GMDS: variants seen among roughly 807,000 people sequenced by gnomAD.
GMDS encodes GDP-mannose 4,6 dehydratase.
Under a neutral mutation model 49.9 loss-of-function variants are expected in GMDS, and 20 were observed. That is an observed-to-expected ratio of 0.40 (90% confidence interval 0.28 to 0.58). GMDS has a LOEUF of 0.58. GMDS is among the 20% of genes least tolerant of loss of function. The pLI, the probability that GMDS is intolerant of heterozygous loss-of-function variation, is 0.42. For synonymous variants in GMDS, 177 were observed against 178.6 expected (o/e 0.99, Z 0.07); for missense variants, 362 against 481.4 (o/e 0.75, Z 2.32).
chr6:2,176,122 C>A (rs961153902), intron 1 of GMDS: 10 of 646,640 alleles, frequency 1.5e-5, no homozygotes, highest in Non-Finnish European at 2.6e-5. Flanking sequence ...CCTTCTACAA[C>A]CAGGGATGAC....
At chr6:1,624,305 GC>G in intron 10 of GMDS, 74 bp from the exon 11 acceptor site, 1 of 1,400,158 alleles carries the variant, frequency 7.1e-7, no homozygotes, top group Non-Finnish European at 1.0e-6. Context: ...CCGGGTGTCG[GC>G]CCCAGAGAGG....
intron 4 of GMDS, among the ~76,000 whole-genome samples, chr6:1,973,835 C>T (rs990696224): frequency 1.3e-5 from 2 of 152,106 alleles, no homozygotes; most frequent in Admixed American, 6.5e-5. Flanking sequence ...TACTGAAATG[C>T]TTCAATGACT....
intron 4 of GMDS, among the ~76,000 whole-genome samples, chr6:2,045,612 T>C (rs1723656609): frequency 6.6e-6 from 1 of 152,140 alleles, no homozygotes; most frequent in African/African-American, 2.4e-5. Flanking sequence ...GGGTTTTGTT[T>C]GTATGTTTGC....
intron 4 of GMDS, among the ~76,000 whole-genome samples, chr6:2,091,254 T>G (rs1332305697): frequency 6.6e-6 from 1 of 152,244 alleles, no homozygotes; most frequent in Admixed American, 6.5e-5. Flanking sequence ...GCTCATACAT[T>G]TAACAACTTC....
In GMDS at chr6:1,893,764, G is replaced by A. The variant is rs537704233; in HGVS notation, c.771+36339C>T. ...GTGTGAAGGGCCGTTTATTCAGAGG[G>A]GGTGGAGGTGAAAGGAGAGAAATTA... is the stretch of plus-strand genomic sequence containing the variant. On this transcript the variant is annotated intron_variant, in intron 7 of 10. Coordinates refer to ENST00000380815, the MANE Select transcript of GMDS (RefSeq NM_001500.4). Among the ~76,000 whole-genome samples, 53 of 152,304 alleles carry A rather than the reference G, an allele frequency of 3.5e-4. 1 individual carries two copies. The highest frequency in any genetic ancestry group is 1.3e-3 in the African/African-American group (52 of 41,550).
At position 1,939,448 on chromosome 6, in the gene GMDS, C is replaced by A. The variant is rs373051398; in HGVS notation, c.644-9218G>T. Reference sequence around the variant, plus strand: ...TTCTGCTCTTCCCCTTGACTGCTATCTACTGATTAAAGAGGCTGGGTGTTC... The same window carrying A: ...TTCTGCTCTTCCCCTTGACTGCTATATACTGATTAAAGAGGCTGGGTGTTC... On this transcript the variant is annotated intron_variant, in intron 6 of 10. Transcript: ENST00000380815. Among the ~76,000 whole-genome samples the A allele has an allele frequency of 4.0e-4, 61 of 151,970 alleles. 1 individual carries two copies. The South Asian group carries it at 0.012, about 29-fold the overall frequency.
At chr6:1,986,865 G>A (rs1765580148) in intron 4 of GMDS, among the ~76,000 whole-genome samples, 1 of 152,216 alleles carries the variant, frequency 6.6e-6, no homozygotes, top group South Asian at 2.1e-4. Flanking sequence ...CAGAATGAGA[G>A]TAAGGGGGCT....
At chr6:2,163,844 A>T (rs1777531560) in intron 1 of GMDS, among the ~76,000 whole-genome samples, 1 of 152,124 alleles carries the variant, frequency 6.6e-6, no homozygotes, top group Admixed American at 6.5e-5. Flanking sequence ...TACAGCTCCC[A>T]CTGTAAGGCC....
intron 1 of GMDS, among the ~76,000 whole-genome samples, chr6:2,138,283 T>C (rs1026827612): frequency 4.6e-5 from 7 of 152,244 alleles, no homozygotes; most frequent in African/African-American, 1.7e-4. Context: ...ATGTAGTCTA[T>C]AGGCAACTGT....
chr6:2,207,544 A>G (rs1306347767), intron 1 of GMDS, among the ~76,000 whole-genome samples: 1 of 151,990 alleles, frequency 6.6e-6, no homozygotes, highest in Non-Finnish European at 1.5e-5. Flanking sequence ...AGCTTATAAC[A>G]TTAGAGTTTA....
chr6:1,749,968 A>T (rs896412492), intron 7 of GMDS, among the ~76,000 whole-genome samples: 2 of 152,122 alleles, frequency 1.3e-5, no homozygotes, highest in African/African-American at 4.8e-5. Context: ...AGTAGATGGG[A>T]CTACAGGCAT....
chr6:2,200,401 A>G (rs1779460082), intron 1 of GMDS, among the ~76,000 whole-genome samples: 1 of 151,402 alleles, frequency 6.6e-6, no homozygotes, highest in Non-Finnish European at 1.5e-5. Context: ...GGATGAAGAC[A>G]GAACACCACA....
intron 9 of GMDS, among the ~76,000 whole-genome samples, chr6:1,678,405 G>C (rs1764689537): frequency 6.6e-6 from 1 of 152,046 alleles, no homozygotes; most frequent in South Asian, 2.1e-4. Flanking sequence ...TGTATCCATC[G>C]ATCTCTCAGA....
At chr6:2,048,700 C>T (rs1416488019) in intron 4 of GMDS, among the ~76,000 whole-genome samples, 2 of 152,104 alleles carry the variant, frequency 1.3e-5, no homozygotes. Context: ...CTATAATTTC[C>T]TCTCAATAAT....
intron 4 of GMDS, among the ~76,000 whole-genome samples, chr6:2,007,534 C>T (rs1206726181): frequency 6.6e-6 from 1 of 151,742 alleles, no homozygotes; most frequent in East Asian, 1.9e-4. Context: ...AATTAGTTTT[C>T]TCTTGTTACT....
chr6:2,074,139 G>A (rs181283856), intron 4 of GMDS, among the ~76,000 whole-genome samples: 1 of 152,324 alleles, frequency 6.6e-6, no homozygotes, highest in Non-Finnish European at 1.5e-5. Flanking sequence ...CACAACCAGT[G>A]TACAAGAGTT....
chr6:2,097,296 T>C (rs957952657), intron 4 of GMDS, among the ~76,000 whole-genome samples: 1 of 151,840 alleles, frequency 6.6e-6, no homozygotes, highest in Non-Finnish European at 1.5e-5. Context: ...TGAGAGAGAG[T>C]AGAACAGATG....
rs745725419 is a variant in GMDS, at chr6:1,688,361, C to T, written c.987+38055G>A. Among the ~76,000 whole-genome samples, 90 of 152,352 alleles carry T rather than the reference C, an allele frequency of 5.9e-4. No homozygotes were observed. The Middle Eastern group carries it at 0.014, about 23-fold the overall frequency. On this transcript the variant is annotated intron_variant, in intron 9 of 10. Transcript: ENST00000380815. ...GATGAACGACGGCTCGTGGAAACCC[C>T]GCACCTTGCTATGGTCACGCACGTG...
In GMDS at chr6:1,918,515, G is replaced by A. The variant is rs140972689; in HGVS notation, c.771+11588C>T. On this transcript the variant is annotated intron_variant, in intron 7 of 10. Transcript: ENST00000380815. ...TAATCCAGTCCTTTGGGGGGCCGAG[G>A]TGGACAGATCATTTGAGCTCTGGAG... Among the ~76,000 whole-genome samples the A allele has an allele frequency of 7.2e-4, 110 of 152,182 alleles. 1 individual carries two copies. In the East Asian group the frequency reaches 0.019, roughly 26 times the overall value.
Sources: gnomAD v4.1 joint callset for allele counts (sites outside exome capture counted in the v4.1 genomes callset) on GRCh38, gnomAD v4.1.1 for gene constraint, MANE v1.5 for transcripts, NCBI Gene and HGNC (gene_info 2026-07-23, HGNC 2026-07-21) for gene names.